Variants in ZNF407 observed in about 807,000 individuals in gnomAD.
The protein encoded by ZNF407 is zinc finger protein 407.
Under a neutral mutation model 131.2 loss-of-function variants are expected in ZNF407, and 17 were observed. The observed-to-expected ratio is 0.13, with a 90% CI of 0.09 to 0.19. The LOEUF is 0.19. Ranked by LOEUF, ZNF407 falls within the 10% of genes least tolerant of loss-of-function variation. The pLI, the probability that ZNF407 is intolerant of heterozygous loss-of-function variation, is 1.00. For synonymous variants in ZNF407, 1,156 were observed against 1,062.0 expected, an observed-to-expected ratio of 1.09 and a Z score of -1.72; for missense variants, 2,681 against 2,830.6, an observed-to-expected ratio of 0.95 and a Z score of 1.20.
intron 3 of ZNF407, among the ~76,000 whole-genome samples, chr18:74,756,354 G>A (rs1470515629): frequency 2.6e-5 from 4 of 152,130 alleles, no homozygotes; most frequent in Admixed American, 2.6e-4. Flanking sequence ...TATTGGCAAA[G>A]GGGCAGGTTG....
At chr18:74,762,817 T>G (rs894284826) in intron 3 of ZNF407, among the ~76,000 whole-genome samples, 1 of 152,170 alleles carries the variant, frequency 6.6e-6, no homozygotes, top group Admixed American at 6.5e-5. Context: ...CATTGTTTCT[T>G]TATCCCTTTG....
At chr18:74,774,539 G>T (rs1291587819) in intron 3 of ZNF407, among the ~76,000 whole-genome samples, 1 of 152,226 alleles carries the variant, frequency 6.6e-6, no homozygotes, top group Non-Finnish European at 1.5e-5. Context: ...GTAATTGGAA[G>T]TACCCAACAT....
chr18:74,625,173 G>A lies in ZNF407; in HGVS notation c.-53-5794G>A, dbSNP rs559894838. ...ATTTCATTAATTTAGAAATTCAGTT[G>A]TGAAATAACAAATGTGGAAACTTTT... On this transcript the variant is annotated intron_variant, in intron 1 of 8. Transcript: ENST00000299687. Among the ~76,000 whole-genome samples, 12 of 152,302 alleles carry A rather than the reference G, an allele frequency of 7.9e-5. No individual in the cohort carries two copies. The South Asian group carries it at 1.5e-3, about 18-fold the overall frequency.
At chr18:75,050,929 T>C (rs144580046) in intron 8 of ZNF407, among the ~76,000 whole-genome samples, 2,099 of 152,324 alleles carry the variant, frequency 0.014, 40 homozygotes, top group African/African-American at 0.042. Flanking sequence ...TTCTCTTACC[T>C]GGAGGATGTT....
chr18:74,869,543 A>G (rs1971058247), intron 4 of ZNF407, among the ~76,000 whole-genome samples: 2 of 152,198 alleles, frequency 1.3e-5, no homozygotes, highest in Admixed American at 1.3e-4. Flanking sequence ...TCAGAACTAA[A>G]CCAACTTCTT....
At chr18:74,891,676 C>G (rs1971386973) in intron 7 of ZNF407, among the ~76,000 whole-genome samples, 1 of 152,146 alleles carries the variant, frequency 6.6e-6, no homozygotes, top group Admixed American at 6.5e-5. Context: ...TTCTATGGTG[C>G]TCATAATATG....
At chr18:74,619,027 G>A (rs958477089) in intron 1 of ZNF407, among the ~76,000 whole-genome samples, 1,897 of 152,154 alleles carry the variant, frequency 0.012, 29 homozygotes, top group African/African-American at 0.034. Flanking sequence ...ATTAGTTGTC[G>A]TATTTCATCT....
At chr18:74,954,437 T>C (rs1227145464) in intron 8 of ZNF407, among the ~76,000 whole-genome samples, 2 of 152,188 alleles carry the variant, frequency 1.3e-5, no homozygotes, top group Non-Finnish European at 2.9e-5. Flanking sequence ...CCACTTAGGA[T>C]ATAAAATAAA....
chr18:75,053,582 T>C (rs948603267), intron 8 of ZNF407, among the ~76,000 whole-genome samples: 15 of 152,350 alleles, frequency 9.8e-5, no homozygotes, highest in Admixed American at 3.9e-4. Flanking sequence ...CAGGGGTATG[T>C]TATTCTGTAG....
intron 8 of ZNF407, among the ~76,000 whole-genome samples, chr18:75,052,488 T>C (rs1445716747): frequency 6.6e-6 from 1 of 152,188 alleles, no homozygotes; most frequent in African/African-American, 2.4e-5. Context: ...TTGAAGATCC[T>C]CCACCAGTGT....
chr18:74,951,001 T>G (rs938797249), intron 8 of ZNF407, among the ~76,000 whole-genome samples: 2 of 152,074 alleles, frequency 1.3e-5, no homozygotes, highest in Admixed American at 6.6e-5. Context: ...AGATGCAACT[T>G]TTTTTTTCCT....
At chr18:74,976,084 T>C (rs1437354658) in intron 8 of ZNF407, among the ~76,000 whole-genome samples, 1 of 152,238 alleles carries the variant, frequency 6.6e-6, no homozygotes, top group African/African-American at 2.4e-5. Context: ...TTTACAAAGA[T>C]AGATGCTACT....
At chr18:74,785,475 A>G (rs1969685043) in intron 4 of ZNF407, among the ~76,000 whole-genome samples, 1 of 152,108 alleles carries the variant, frequency 6.6e-6, no homozygotes, top group African/African-American at 2.4e-5. Context: ...TACCCCACCT[A>G]ATGTAATTGC....
intron 4 of ZNF407, among the ~76,000 whole-genome samples, chr18:74,838,046 G>A (rs1320863255): frequency 6.6e-6 from 1 of 152,090 alleles, no homozygotes; most frequent in African/African-American, 2.4e-5. Flanking sequence ...CAGATATTAT[G>A]TATTCTTTCT....
intron 4 of ZNF407, among the ~76,000 whole-genome samples, chr18:74,843,836 C>A (rs141478604): frequency 1.6e-3 from 246 of 152,238 alleles, no homozygotes; most frequent in Middle Eastern, 0.014. Context: ...GTTTATTTAT[C>A]ATAACCTCAT....
chr18:74,697,659 CATTT>C (rs2144813759), intron 3 of ZNF407, among the ~76,000 whole-genome samples: 1 of 151,868 alleles, frequency 6.6e-6, no homozygotes, highest in Non-Finnish European at 1.5e-5. Context: ...TACTGGCTAA[CATTT>C]AAGCAGAAAG....
At chr18:74,698,825 G>A (rs913596426) in intron 3 of ZNF407, among the ~76,000 whole-genome samples, 2 of 152,164 alleles carry the variant, frequency 1.3e-5, no homozygotes, top group Non-Finnish European at 2.9e-5. Context: ...TTGGGAAAGA[G>A]TATACTCACT....
At chr18:74,951,482 G>T (rs1162113884) in intron 8 of ZNF407, among the ~76,000 whole-genome samples, 1 of 152,156 alleles carries the variant, frequency 6.6e-6, no homozygotes, top group African/African-American at 2.4e-5. Flanking sequence ...GTACGTTCAT[G>T]TTGACCCTTC....
intron 4 of ZNF407, among the ~76,000 whole-genome samples, chr18:74,835,672 G>T (rs1213099653): frequency 1.4e-5 from 2 of 147,880 alleles, no homozygotes; most frequent in African/African-American, 5.0e-5. Flanking sequence ...GTGTGTAAAT[G>T]GAGAGGGAAA....
Sources: gnomAD v4.1 joint callset for allele counts (sites outside exome capture counted in the v4.1 genomes callset) on GRCh38, gnomAD v4.1.1 for gene constraint, MANE v1.5 for transcripts, NCBI Gene and HGNC (gene_info 2026-07-23, HGNC 2026-07-21) for gene names.